Variants in MYO1D observed in about 807,000 individuals in gnomAD.
MYO1D encodes the protein myosin ID.
Under a neutral mutation model 122.0 loss-of-function variants are expected in MYO1D, and 83 were observed. The observed-to-expected ratio is 0.68, with a 90% CI of 0.57 to 0.82. The LOEUF (loss-of-function observed/expected upper bound fraction) is 0.82, where lower values mean the gene tolerates loss of function less well. Among genes scored for constraint, MYO1D ranks in the 40% least tolerant of loss-of-function variants. MYO1D has a pLI of 0.00. For synonymous variants in MYO1D, 464 were observed against 446.9 expected (o/e 1.04, Z -0.48); for missense variants, 1,157 against 1,269.5 (o/e 0.91, Z 1.35).
At chr17:32,810,573 G>C (rs995573760) in intron 1 of MYO1D, among the ~76,000 whole-genome samples, 9 of 151,794 alleles carry the variant, frequency 5.9e-5, no homozygotes, top group Non-Finnish European at 1.3e-4. Context: ...TGCCTCCTGG[G>C]TTCAAGGATT....
At chr17:32,724,078 T>TAAG (rs1306427134) in intron 14 of MYO1D, among the ~76,000 whole-genome samples, 1 of 152,168 alleles carries the variant, frequency 6.6e-6, no homozygotes, top group Non-Finnish European at 1.5e-5. Flanking sequence ...AAAAATGGCT[T>TAAG]ATAGTAAGTT....
chr17:32,545,932 G>C (rs1259214339), intron 21 of MYO1D, among the ~76,000 whole-genome samples: 4 of 152,010 alleles, frequency 2.6e-5, no homozygotes, highest in Admixed American at 6.6e-5. Context: ...GTACTTGGGA[G>C]TATGCATCTG....
chr17:32,720,828 T>G (rs2089501018), intron 15 of MYO1D, among the ~76,000 whole-genome samples, 195 bp downstream of exon 15: 1 of 152,210 alleles, frequency 6.6e-6, no homozygotes, highest in African/African-American at 2.4e-5. Flanking sequence ...GCTGAAACTT[T>G]TTCATGGTCC....
At chr17:32,511,735 T>A (rs1390457623) in intron 21 of MYO1D, among the ~76,000 whole-genome samples, 1 of 152,114 alleles carries the variant, frequency 6.6e-6, no homozygotes, top group Non-Finnish European at 1.5e-5. Flanking sequence ...TCTATTCACA[T>A]CATTAATGAA....
At position 32,711,983 on chromosome 17, in the gene MYO1D, AT is replaced by A; in HGVS notation, c.2121+4del. The A allele has an allele frequency of 6.2e-7, 1 of 1,606,028 alleles. No individual in the cohort carries two copies. Among genetic ancestry groups the A allele is most frequent in the Middle Eastern group, 1.7e-4 (1 of 6,014 alleles). On this transcript the variant is annotated splice_donor_region_variant and intron_variant, in intron 16 of 21. Transcript: ENST00000318217. ...CTTATCCTTATATATAAAATATAAAATTACCTTTTGTAGAAAGAGGACAATC... is the reference window on the plus strand; with the variant it reads ...CTTATCCTTATATATAAAATATAAAATACCTTTTGTAGAAAGAGGACAATC...
At chr17:32,590,993 CAAT>C (rs1000817064) in intron 21 of MYO1D, among the ~76,000 whole-genome samples, 15 of 152,198 alleles carry the variant, frequency 9.9e-5, no homozygotes, top group African/African-American at 3.6e-4. Flanking sequence ...ACATAAAAGA[CAAT>C]GATGAACACG....
chr17:32,801,655 T>C (rs893925778), intron 1 of MYO1D, among the ~76,000 whole-genome samples: 1 of 152,222 alleles, frequency 6.6e-6, no homozygotes, highest in African/African-American at 2.4e-5. Flanking sequence ...AATATCAATA[T>C]GGTACCTGTC....
chr17:32,514,013 G>A (rs1477917365), intron 21 of MYO1D, among the ~76,000 whole-genome samples: 1 of 151,864 alleles, frequency 6.6e-6, no homozygotes, highest in Non-Finnish European at 1.5e-5. Flanking sequence ...GGAGGTTGAG[G>A]CGGGTAGATC....
intron 21 of MYO1D, among the ~76,000 whole-genome samples, chr17:32,509,352 C>A (rs1431970086): frequency 2.0e-5 from 3 of 152,216 alleles, no homozygotes; most frequent in South Asian, 2.1e-4. Flanking sequence ...GCTGCTGCCT[C>A]CCCACTGCTA....
intron 1 of MYO1D, among the ~76,000 whole-genome samples, chr17:32,843,728 A>G (rs974498089): frequency 4.6e-5 from 7 of 152,222 alleles, no homozygotes; most frequent in African/African-American, 1.7e-4. Flanking sequence ...TCGAAAGGAC[A>G]TATACACAAA....
intron 19 of MYO1D, among the ~76,000 whole-genome samples, chr17:32,641,429 A>G (rs2088199229): frequency 6.6e-6 from 1 of 152,202 alleles, no homozygotes; most frequent in Non-Finnish European, 1.5e-5. Context: ...AGCATGATTT[A>G]TAATCCTTAG....
intron 21 of MYO1D, among the ~76,000 whole-genome samples, chr17:32,535,606 C>G: frequency 6.6e-6 from 1 of 152,126 alleles, no homozygotes; most frequent in East Asian, 1.9e-4. Flanking sequence ...AAAAAATTAG[C>G]TGGGTGTGGT....
intron 1 of MYO1D, among the ~76,000 whole-genome samples, chr17:32,866,175 C>T (rs1401350288): frequency 6.6e-6 from 1 of 152,178 alleles, no homozygotes; most frequent in African/African-American, 2.4e-5. Context: ...GGTCATTGCA[C>T]CTGGCTCCTC....
At chr17:32,767,925 A>G (rs1598082021) in intron 6 of MYO1D, among the ~76,000 whole-genome samples, 173 bp from the exon 7 acceptor site, 1 of 152,360 alleles carries the variant, frequency 6.6e-6, no homozygotes, top group African/African-American at 2.4e-5. Context: ...ATTATTCAGC[A>G]CGTACAAAGC....
chr17:32,725,037 T>TG (rs1242428508), intron 14 of MYO1D, among the ~76,000 whole-genome samples: 1 of 152,142 alleles, frequency 6.6e-6, no homozygotes, highest in Non-Finnish European at 1.5e-5. Context: ...ATCCAGACAC[T>TG]GGAGTTATCA....
chr17:32,858,781 T>C (rs2091047460), intron 1 of MYO1D, among the ~76,000 whole-genome samples: 1 of 152,228 alleles, frequency 6.6e-6, no homozygotes, highest in Admixed American at 6.5e-5. Flanking sequence ...CCATTCCTCA[T>C]CAAACTTCAA....
intron 1 of MYO1D, among the ~76,000 whole-genome samples, chr17:32,796,909 G>A (rs1252785497): frequency 6.6e-6 from 1 of 152,000 alleles, no homozygotes; most frequent in African/African-American, 2.4e-5. Flanking sequence ...AGTATATCCT[G>A]TCACTTTTAA....
intron 1 of MYO1D, among the ~76,000 whole-genome samples, chr17:32,859,346 T>C (rs1331506480): frequency 6.6e-6 from 1 of 152,192 alleles, no homozygotes; most frequent in Non-Finnish European, 1.5e-5. Flanking sequence ...TTATCACTTA[T>C]CTCCCACTGC....
chr17:32,873,704 C>T (rs1409301584), intron 1 of MYO1D, among the ~76,000 whole-genome samples: 2 of 152,096 alleles, frequency 1.3e-5, no homozygotes, highest in Non-Finnish European at 2.9e-5. Context: ...TTTATGGCTA[C>T]AGGGAACCAA....
Sources: allele counts gnomAD v4.1 joint callset (sites outside exome capture counted in the v4.1 genomes callset), GRCh38; gene constraint gnomAD v4.1.1; transcripts MANE v1.5; gene names NCBI Gene and HGNC (gene_info 2026-07-23, HGNC 2026-07-21).